The following IRAG2 variants were observed in gnomAD, a reference collection of about 807,000 sequenced individuals.
IRAG2 encodes the protein inositol 1,4,5-triphosphate receptor associated 2.
Under a neutral mutation model 69.9 loss-of-function variants are expected in IRAG2, and 45 were observed. The observed-to-expected ratio is 0.64, with a 90% CI of 0.51 to 0.83. The LOEUF (loss-of-function observed/expected upper bound fraction) is 0.83. Among genes scored for constraint, IRAG2 ranks in the 40% least tolerant of loss-of-function variants. IRAG2 has a pLI of 0.00. For synonymous variants in IRAG2, 193 were observed against 202.4 expected (o/e 0.95, Z 0.40); for missense variants, 520 against 587.0 (o/e 0.89, Z 1.18).
At chr12:25,014,003 T>C (rs1001158117) in intron 3 of IRAG2, among the ~76,000 whole-genome samples, 4 of 150,084 alleles carry the variant, frequency 2.7e-5, no homozygotes, top group South Asian at 4.2e-4. Context: ...GCCTCCCGAG[T>C]AGCTGGGACT....
chr12:25,107,760 G>T, intron 21 of IRAG2, 57 bp from the exon 22 acceptor site: 2 of 1,552,204 alleles, frequency 1.3e-6, no homozygotes, highest in Non-Finnish European at 1.8e-6. Context: ...TTAGCAAAAG[G>T]AATGTTTCTA....
At chr12:25,053,632 A>G (rs2139895054) in intron 1 of IRAG2, among the ~76,000 whole-genome samples, 1 of 152,202 alleles carries the variant, frequency 6.6e-6, no homozygotes, top group East Asian at 1.9e-4. Context: ...TCATTCTAGA[A>G]ACCTAATATG....
intron 17 of IRAG2, 36 bp from the exon 18 acceptor site, chr12:25,103,801 G>T (rs1948884226): frequency 1.4e-6 from 2 of 1,451,816 alleles, no homozygotes; most frequent in South Asian, 2.3e-5. Context: ...AAATTATTGA[G>T]AGTTTTCTAA....
chr12:25,041,955 C>CTGTGTGTG (rs59225610), intron 16 of IRAG2, among the ~76,000 whole-genome samples: 53 of 148,464 alleles, frequency 3.6e-4, no homozygotes, highest in Middle Eastern at 6.8e-3. Flanking sequence ...TTTGTTTCAG[C>CTGTGTGTG]TGTGTGTGTG....
chr12:25,105,728 TTGTAAACAAGAC>T (rs1049903422), intron 20 of IRAG2, among the ~76,000 whole-genome samples: 1 of 152,218 alleles, frequency 6.6e-6, no homozygotes, highest in African/African-American at 2.4e-5. Context: ...TGAGAAGTCT[TTGTAAACAAGAC>T]TGAAACCTTG....
intron 16 of IRAG2, 109 bp downstream of exon 16, chr12:25,101,434 T>C: frequency 1.4e-6 from 1 of 720,168 alleles, no homozygotes. Flanking sequence ...GTTAACTTTA[T>C]ATTAGAAAAA....
chr12:25,058,175 G>A (rs1184065321), intron 1 of IRAG2, among the ~76,000 whole-genome samples: 2 of 152,124 alleles, frequency 1.3e-5, no homozygotes, highest in Non-Finnish European at 2.9e-5. Flanking sequence ...ACTGTCAAAT[G>A]GTTTTCGGTA....
chr12:25,030,895 G>T (rs1944663085), intron 10 of IRAG2: 2 of 301,426 alleles, frequency 6.6e-6, no homozygotes, highest in Non-Finnish European at 4.9e-6. Flanking sequence ...TTCATTTTAG[G>T]GTGGAAGAAG....
intron 1 of IRAG2, chr12:25,004,934 A>G: frequency 8.2e-7 from 1 of 1,215,576 alleles, no homozygotes; most frequent in Non-Finnish European, 1.0e-6. Context: ...TCATCTTTTA[A>G]TGTTTGTCCT....
intron 2 of IRAG2, chr12:25,005,442 T>C (rs1180541405): frequency 1.9e-6 from 1 of 521,968 alleles, no homozygotes. Flanking sequence ...AAATGATTTG[T>C]GTGTGGGTCT....
At chr12:25,083,584 C>A (rs1019943734) in intron 10 of IRAG2, 91 bp downstream of exon 10, 4 of 732,630 alleles carry the variant, frequency 5.5e-6, no homozygotes, top group African/African-American at 1.8e-5. Flanking sequence ...AGTATTATCT[C>A]ATTTATCCTT....
chr12:25,004,624 A>G (rs2139813120), exon 1 of IRAG2: 1 of 1,232,120 alleles, frequency 8.1e-7, no homozygotes, highest in East Asian at 3.2e-5. Flanking sequence ...AATATCTCCA[A>G]GAACCCCATC....
intron 10 of IRAG2, among the ~76,000 whole-genome samples, chr12:25,086,054 C>T (rs866278895): frequency 6.6e-6 from 1 of 152,104 alleles, no homozygotes; most frequent in Admixed American, 6.6e-5. Context: ...ATAGTAGAAT[C>T]TTCTGAGAGA....
At chr12:25,041,814 A>C (rs1351624044) in intron 16 of IRAG2, among the ~76,000 whole-genome samples, 1 of 151,242 alleles carries the variant, frequency 6.6e-6, no homozygotes, top group Non-Finnish European at 1.5e-5. Flanking sequence ...GCCAGAGAAG[A>C]GGTTTTCAAC....
rs536539463 is a variant in IRAG2, at chr12:25,020,282, A to T, written c.1215-508A>T. ...TTTGTTATAATCAACAGTATGATAA[A>T]CTTCTTTATAGAATATGTCATATAG... On this transcript the variant is annotated intron_variant, in intron 6 of 38. Coordinates refer to the IRAG2 transcript ENST00000636465. Among the ~76,000 whole-genome samples the T allele has an allele frequency of 1.2e-4, 19 of 152,246 alleles. No individual in the cohort carries two copies. In the East Asian group the frequency reaches 3.5e-3, roughly 28 times the overall value.
rs200778655 is a variant in IRAG2, at chr12:25,104,552, CT to C, written c.1148+91del. Reference sequence around the variant, plus strand: ...TTTATTCCATGGAGATGAAATAATGCTGTATAATTAAAAAGATAATTCATTG... The same window carrying C: ...TTTATTCCATGGAGATGAAATAATGCGTATAATTAAAAAGATAATTCATTG... On this transcript the variant is annotated intron_variant, in intron 20 of 21. Transcript: ENST00000556887. The C allele has an allele frequency of 3.1e-4, 228 of 747,102 alleles. No individual in the cohort carries two copies. The East Asian group carries it at 3.6e-3, about 12-fold the overall frequency. 46.3% of individuals were successfully genotyped at this position (747,102 alleles called of 1,614,324 possible). A position where few individuals can be genotyped will look rare whatever the true frequency, so the allele number is the denominator to read the frequency against.
intron 14 of IRAG2, among the ~76,000 whole-genome samples, chr12:25,094,142 T>G (rs860880): frequency 0.051 from 7,785 of 152,144 alleles, 646 homozygotes; most frequent in African/African-American, 0.17. Context: ...CGGTGTTATA[T>G]CCAAGAAACC....
intron 14 of IRAG2, among the ~76,000 whole-genome samples, chr12:25,091,881 G>A (rs1458261335): frequency 1.3e-5 from 2 of 152,182 alleles, no homozygotes; most frequent in Non-Finnish European, 2.9e-5. Context: ...ATCTTTTCAT[G>A]TGCTTGCTGG....
At chr12:25,089,146 A>G (rs544514427) in intron 11 of IRAG2, among the ~76,000 whole-genome samples, 2 of 152,326 alleles carry the variant, frequency 1.3e-5, no homozygotes, top group South Asian at 4.1e-4. Flanking sequence ...GTGATTGGCA[A>G]TATAATAAAG....
Sources: allele counts gnomAD v4.1 joint callset (sites outside exome capture counted in the v4.1 genomes callset), GRCh38; gene constraint gnomAD v4.1.1; transcripts MANE v1.5; gene names NCBI Gene and HGNC (gene_info 2026-07-23, HGNC 2026-07-21).